Variants in UNC80 observed in about 807,000 individuals in gnomAD.
UNC80 encodes protein unc-80 homolog.
Under a neutral mutation model 384.6 loss-of-function variants are expected in UNC80, and 164 were observed. That is an observed-to-expected ratio of 0.43 (90% confidence interval 0.38 to 0.49). The LOEUF (loss-of-function observed/expected upper bound fraction) is 0.49, where lower values mean the gene tolerates loss of function less well. UNC80 is among the 20% of genes least tolerant of loss of function. The pLI is 0.00. For missense variants in UNC80, 3,330 were observed against 4,143.0 expected, an observed-to-expected ratio of 0.80 and a Z score of 5.39; for synonymous variants, 1,486 against 1,527.8, an observed-to-expected ratio of 0.97 and a Z score of 0.64.
intron 2 of UNC80, among the ~76,000 whole-genome samples, chr2:209,774,090 A>G (rs1228402669): frequency 6.6e-6 from 1 of 152,216 alleles, no homozygotes; most frequent in East Asian, 1.9e-4. Context: ...ATTGCCATGC[A>G]TATTTACAAA....
intron 29 of UNC80, among the ~76,000 whole-genome samples, chr2:209,910,437 T>A (rs2088789700): frequency 6.6e-6 from 1 of 151,960 alleles, no homozygotes; most frequent in South Asian, 2.1e-4. Flanking sequence ...AATCAAGTCA[T>A]TAAAAAAGAG....
intron 26 of UNC80, among the ~76,000 whole-genome samples, chr2:209,890,821 A>G (rs1044258462): frequency 1.3e-5 from 2 of 152,218 alleles, no homozygotes; most frequent in Non-Finnish European, 2.9e-5. Context: ...GTTTTTAAAT[A>G]TACATAATAA....
chr2:209,787,232 C>T (rs1030590939), intron 5 of UNC80, among the ~76,000 whole-genome samples: 6 of 119,312 alleles, frequency 5.0e-5, no homozygotes, highest in Non-Finnish European at 8.2e-5. Context: ...CCTTCCTTCT[C>T]GGCACCAGTT....
rs1048586372 is a variant in UNC80, at chr2:209,930,882, C to T, written c.5908-86C>T. On this transcript the variant is annotated intron_variant, in intron 37 of 64. Coordinates refer to ENST00000673920, the MANE Select transcript of UNC80 (RefSeq NM_001371986.1). ...GGGCAAAAGTAAAAAAAATCCCTCA[C>T]CCAATCCCGAATTTTCAAGAAGTTA... 1.2e-5 allele frequency: 11 copies of T among 928,140 alleles called. No individual in the cohort carries two copies. The East Asian group carries it at 1.6e-4, about 14-fold the overall frequency. The allele number at this position is 928,140 out of a possible 1,614,324, so 57.5% of individuals were successfully genotyped here. A position where few individuals can be genotyped will look rare whatever the true frequency, so the allele number is the denominator to read the frequency against.
Position 209,771,881 on chromosome 2 carries a change from C to T in UNC80, c.-192C>T. On this transcript the variant is annotated 5_prime_UTR_variant, in exon 1 of 65. Coordinates refer to ENST00000673920, the MANE Select transcript of UNC80 (RefSeq NM_001371986.1). The stretch of plus-strand genomic sequence containing the variant: ...CCGCGGCTCCTCCAGCCCTCCCCTC[C>T]TCCCGCAGCCATGTTCCACGCGCGG... The T allele has an allele frequency of 3.4e-6, 2 of 585,754 alleles. No individual in the cohort carries two copies. The highest frequency in any genetic ancestry group is 1.9e-5 in the South Asian group (1 of 52,040). The allele number at this position is 585,754 out of a possible 1,614,324, so 36.3% of individuals were successfully genotyped here. A position where few individuals can be genotyped will look rare whatever the true frequency, so the allele number is the denominator to read the frequency against.
At position 209,976,110 on chromosome 2, in the gene UNC80, G is replaced by C. The variant is rs377093120; in HGVS notation, c.8588-9G>C. The C allele has an allele frequency of 3.2e-6, 5 of 1,545,098 alleles. No homozygotes were observed. In the Admixed American group the frequency reaches 1.0e-4, roughly 31 times the overall value. The stretch of plus-strand genomic sequence containing the variant: ...CGCAGGCTCATTTTTCTCTTTTCCC[G>C]GTGTGAAGCGCTGAAGGTGATTCTC... On this transcript the variant is annotated splice_polypyrimidine_tract_variant and intron_variant, in intron 56 of 64. Transcript: ENST00000673920. This position sits in a 1 kb window ranked among gnomAD's most constrained non-coding sequence, Gnocchi z 4.3.
At chr2:209,900,954 G>T (rs1436699674) in intron 28 of UNC80, among the ~76,000 whole-genome samples, 1 of 152,204 alleles carries the variant, frequency 6.6e-6, no homozygotes, top group Non-Finnish European at 1.5e-5. Context: ...GAAAGGGGAA[G>T]AAGCTGTATA....
chr2:209,930,821 A>G (rs2090800855), intron 37 of UNC80, 147 bp from the exon 38 acceptor site: 3 of 589,476 alleles, frequency 5.1e-6, no homozygotes, highest in East Asian at 5.6e-5. Context: ...CACATATACT[A>G]TATTAAAATG....
At position 209,888,536 on chromosome 2, in the gene UNC80, C is replaced by T. The variant is rs115249925; in HGVS notation, c.4276+276C>T. 2.4e-3 allele frequency among the ~76,000 whole-genome samples: 358 copies of T among 152,222 alleles called. 1 individual carries two copies. Among genetic ancestry groups the T allele is most frequent in the Non-Finnish European group, 3.4e-3 (228 of 68,010 alleles). ...TTACCAATAAGGAAAGAAAAATACTCCCAATTGAACTTTTACATAATGCTC... is the reference window on the plus strand; with the variant it reads ...TTACCAATAAGGAAAGAAAAATACTTCCAATTGAACTTTTACATAATGCTC... On this transcript the variant is annotated intron_variant, in intron 26 of 64. Transcript: ENST00000673920.
chr2:209,943,633 A>T, intron 45 of UNC80, 119 bp downstream of exon 45: 1 of 1,230,590 alleles, frequency 8.1e-7, no homozygotes, highest in South Asian at 1.5e-5. Context: ...TTTGGCAGAG[A>T]TGCAAAGGCA....
chr2:209,959,093 A>T, intron 49 of UNC80, 26 bp from the exon 50 acceptor site: 1 of 1,551,030 alleles, frequency 6.4e-7, no homozygotes, highest in Non-Finnish European at 8.7e-7. Flanking sequence ...TCTAATAGTT[A>T]TGTAGACTGT....
At chr2:209,899,985 G>A (rs943081466) in intron 28 of UNC80, among the ~76,000 whole-genome samples, 1 of 152,090 alleles carries the variant, frequency 6.6e-6, no homozygotes, top group African/African-American at 2.4e-5. Flanking sequence ...ATTGCCTAAG[G>A]CTCTGCCTAG....
chr2:209,899,838 A>G (rs1465689615), intron 28 of UNC80, among the ~76,000 whole-genome samples: 1 of 152,180 alleles, frequency 6.6e-6, no homozygotes, highest in Non-Finnish European at 1.5e-5. Context: ...CAATCAGCCA[A>G]TGCCTAGAAG....
chr2:209,904,281 G>T (rs953942806), intron 28 of UNC80, among the ~76,000 whole-genome samples: 3 of 152,202 alleles, frequency 2.0e-5, no homozygotes, highest in African/African-American at 4.8e-5. Flanking sequence ...AAGATGATTG[G>T]CCAGAGGAGA....
intron 39 of UNC80, among the ~76,000 whole-genome samples, chr2:209,934,956 G>A (rs559936370): frequency 6.6e-6 from 1 of 152,242 alleles, no homozygotes; most frequent in Middle Eastern, 3.4e-3. Flanking sequence ...ACTAAAAATT[G>A]AGGTATATCA....
rs1322202900 is a variant in UNC80 at position 209,872,166 on chromosome 2, T to C, written c.3628-592T>C. Among the ~76,000 whole-genome samples the C allele has an allele frequency of 2.6e-5, 4 of 152,160 alleles. No homozygotes were observed. Among genetic ancestry groups the C allele is most frequent in the African/African-American group, 9.7e-5 (4 of 41,434 alleles). On this transcript the variant is annotated intron_variant, in intron 22 of 64. Transcript: ENST00000673920. The surrounding 1 kb of genome is among the most constrained non-coding windows in gnomAD (Gnocchi z 4.1). ...TCCACCATGCCTGACTAATTTTTTG[T>C]ATTTTTAGTGGAGATGAAGTTTCAT...
At chr2:209,785,928 G>A (rs922258123) in intron 4 of UNC80, 138 bp from the exon 5 acceptor site, 3 of 954,978 alleles carry the variant, frequency 3.1e-6, no homozygotes, top group African/African-American at 3.3e-5. Flanking sequence ...ACATTCATCT[G>A]ACTAATGAGA....
intron 22 of UNC80, among the ~76,000 whole-genome samples, chr2:209,859,621 T>C (rs1158180109): frequency 1.3e-5 from 2 of 152,252 alleles, no homozygotes; most frequent in East Asian, 3.8e-4. Flanking sequence ...TCTTCCACAA[T>C]GGTTGAACTA....
chr2:209,933,983 C>T lies in UNC80; in HGVS notation c.6156C>T (p.Leu2052=). The T allele has an allele frequency of 6.5e-7, 1 of 1,548,000 alleles. No individual in the cohort carries two copies. The part of the protein sequence containing the change: ...TMKKEQCEVK[L]LVTASMPGTK... ...AGAAGGAGCAGTGTGAGGTGAAGCTCCTGGTGACCGCTTCAATGCCAGGTA... is the reference window on the plus strand; with the variant it reads ...AGAAGGAGCAGTGTGAGGTGAAGCTTCTGGTGACCGCTTCAATGCCAGGTA... The change falls in exon 39 of 65, where the codon CTC becomes CTT. Residue 2052 remains leucine (L), a synonymous_variant. Transcript: ENST00000673920.
Sources: allele counts gnomAD v4.1 joint callset (sites outside exome capture counted in the v4.1 genomes callset), GRCh38; gene constraint gnomAD v4.1.1; non-coding constraint Gnocchi (gnomAD v3.1); transcripts MANE v1.5; gene names NCBI Gene and HGNC (gene_info 2026-07-23, HGNC 2026-07-21).